Variants in AIM2 observed in about 807,000 individuals in gnomAD.
AIM2 encodes the protein absent in melanoma 2, also known as interferon-inducible protein AIM2.
Under a neutral mutation model 27.7 loss-of-function variants are expected in AIM2, and 30 were observed. The observed-to-expected ratio is 1.08, with a 90% confidence interval of 0.81 to 1.47. The LOEUF is 1.47. Ranked by LOEUF, AIM2 falls within the 40% of genes most tolerant of loss-of-function variation. The probability of loss-of-function intolerance (pLI) is 0.00; values close to 1 mark genes in which losing one functional copy is unlikely to be tolerated. For synonymous variants in AIM2, 141 were observed against 145.3 expected (o/e 0.97, Z 0.21); for missense variants, 358 against 411.3 (o/e 0.87, Z 1.12).
intron 1 of AIM2, among the ~76,000 whole-genome samples, chr1:159,119,572 TA>T (rs1647475428): frequency 6.6e-6 from 1 of 151,586 alleles, no homozygotes; most frequent in African/African-American, 2.4e-5. Context: ...TAGGAGATCT[TA>T]AAATCACTGT....
intron 3 of AIM2, among the ~76,000 whole-genome samples, chr1:159,066,548 C>T (rs575144446): frequency 6.0e-4 from 92 of 152,254 alleles, no homozygotes; most frequent in African/African-American, 2.1e-3. Context: ...TCAGATAAGA[C>T]GGTGTAACAC....
chr1:159,075,301 T>TTATC (rs1656552870), intron 1 of AIM2, among the ~76,000 whole-genome samples: 3 of 152,128 alleles, frequency 2.0e-5, no homozygotes. Context: ...GTTGGATTAA[T>TTATC]TATCTAAATA....
intron 3 of AIM2, among the ~76,000 whole-genome samples, chr1:159,067,087 A>C (rs1656136416): frequency 6.6e-6 from 1 of 152,230 alleles, no homozygotes; most frequent in African/African-American, 2.4e-5. Context: ...TGCAAATATT[A>C]AAAATGCTTT....
chr1:159,065,599 A>G (rs560498043), intron 4 of AIM2, among the ~76,000 whole-genome samples: 92 of 152,346 alleles, frequency 6.0e-4, no homozygotes, highest in African/African-American at 2.1e-3. Flanking sequence ...AACTATAGTC[A>G]CTTAAAATAA....
At chr1:159,082,673 C>A (rs1012089127) in intron 1 of AIM2, among the ~76,000 whole-genome samples, 3 of 152,120 alleles carry the variant, frequency 2.0e-5, no homozygotes, top group Non-Finnish European at 4.4e-5. Context: ...TATAAGAGCA[C>A]TAATCCTATT....
chr1:159,136,707 C>T (rs1456694032), intron 1 of AIM2, among the ~76,000 whole-genome samples: 2 of 152,208 alleles, frequency 1.3e-5, no homozygotes, highest in Non-Finnish European at 2.9e-5. Context: ...AGGACATAAA[C>T]ACTGCAATCA....
At chr1:159,113,563 C>T (rs77534583) in intron 1 of AIM2, among the ~76,000 whole-genome samples, 1 of 152,152 alleles carries the variant, frequency 6.6e-6, no homozygotes, top group Non-Finnish European at 1.5e-5. Context: ...GGTTTAAAAT[C>T]GGACTACCTA....
chr1:159,073,237 C>A lies in AIM2; in HGVS notation c.262+1G>T. 6.2e-7 allele frequency: 1 copy of A among 1,614,046 alleles called. No homozygotes were observed. Among genetic ancestry groups the A allele is most frequent in the Non-Finnish European group, 8.5e-7 (1 of 1,179,944 alleles). On this transcript the variant is annotated splice_donor_variant, in intron 2 of 5. Transcript: ENST00000368130. LOFTEE classifies it high-confidence loss of function. ...GGGCAGGTGTGGAACTCCCACATTA[C>A]CTTTCTCCTTCTCCTCCTGAAGACG...
chr1:159,076,179 C>T (rs1656599698), intron 1 of AIM2, among the ~76,000 whole-genome samples: 1 of 152,160 alleles, frequency 6.6e-6, no homozygotes. Flanking sequence ...TGGATGATTC[C>T]TACTTTTCTA....
chr1:159,097,866 C>T (rs770111706), intron 1 of AIM2, among the ~76,000 whole-genome samples: 6 of 152,132 alleles, frequency 3.9e-5, no homozygotes, highest in Non-Finnish European at 8.8e-5. Context: ...ACCACTCAAC[C>T]ACAAAGGAGA....
upstream of AIM2, among the ~76,000 whole-genome samples, chr1:159,143,581 T>TACACACAC (rs6143439): frequency 4.1e-3 from 584 of 144,140 alleles, 3 homozygotes; most frequent in Non-Finnish European, 4.5e-3. Context: ...GCTCAGTGTG[T>TACACACAC]ACACACACAC....
At chr1:159,095,319 G>GA (rs991320532) in intron 1 of AIM2, among the ~76,000 whole-genome samples, 26 of 150,904 alleles carry the variant, frequency 1.7e-4, no homozygotes, top group Non-Finnish European at 1.2e-4. Flanking sequence ...CCCCGAGGCA[G>GA]AAAAAAAAAT....
intron 1 of AIM2, among the ~76,000 whole-genome samples, chr1:159,103,530 G>T (rs1657359647): frequency 6.6e-6 from 1 of 152,152 alleles, no homozygotes. Context: ...ACCTCACCTA[G>T]AGAGGAATTA....
chr1:159,081,193 T>C (rs1440970838), upstream of AIM2: 4 of 235,486 alleles, frequency 1.7e-5, no homozygotes, highest in Non-Finnish European at 3.8e-5. Context: ...AAAAGATATT[T>C]GCCCCCCTTC....
chr1:159,115,580 G>T (rs1647314038), intron 1 of AIM2, among the ~76,000 whole-genome samples: 1 of 152,154 alleles, frequency 6.6e-6, no homozygotes, highest in Non-Finnish European at 1.5e-5. Context: ...ACAAAAAACG[G>T]GGAAACGATT....
At chr1:159,083,347 G>C (rs1046989413) in intron 1 of AIM2, among the ~76,000 whole-genome samples, 1 of 152,158 alleles carries the variant, frequency 6.6e-6, no homozygotes, top group Non-Finnish European at 1.5e-5. Flanking sequence ...AATAGATAAT[G>C]GAGTGGCTAA....
chr1:159,083,486 A>C (rs1273855739), intron 1 of AIM2, among the ~76,000 whole-genome samples: 1 of 152,206 alleles, frequency 6.6e-6, no homozygotes, highest in Non-Finnish European at 1.5e-5. Context: ...AATATTATTG[A>C]ATTTCAATCA....
chr1:159,074,219 C>T (rs1656496139), intron 1 of AIM2, among the ~76,000 whole-genome samples: 1 of 152,152 alleles, frequency 6.6e-6, no homozygotes, highest in African/African-American at 2.4e-5. Context: ...TCTGTTCTTT[C>T]ATGGATCATG....
intron 1 of AIM2, among the ~76,000 whole-genome samples, chr1:159,097,913 T>G (rs1657213690): frequency 6.6e-6 from 1 of 152,184 alleles, no homozygotes; most frequent in East Asian, 1.9e-4. Flanking sequence ...CAGTGTTACA[T>G]TCCCAGTAAG....
Sources: gnomAD v4.1 joint callset for allele counts (sites outside exome capture counted in the v4.1 genomes callset) on GRCh38, gnomAD v4.1.1 for gene constraint, MANE v1.5 for transcripts, NCBI Gene and HGNC (gene_info 2026-07-23, HGNC 2026-07-21) for gene names.